The following TMEM63C variants were observed in gnomAD, a reference collection of about 807,000 sequenced individuals.
TMEM63C encodes transmembrane protein 63C, also known as osmosensitive cation channel TMEM63C.
A neutral mutation model predicts 99.2 loss-of-function variants in TMEM63C; 32 were observed. The observed-to-expected ratio is 0.32, with a 90% CI of 0.24 to 0.43. TMEM63C has a LOEUF of 0.43. Among genes scored for constraint, TMEM63C ranks in the 20% least tolerant of loss-of-function variants. TMEM63C has a pLI of 1.00. For synonymous variants in TMEM63C, 376 were observed against 397.9 expected (o/e 0.94, Z 0.66); for missense variants, 826 against 1,053.0 (o/e 0.78, Z 2.98).
intron 6 of TMEM63C, among the ~76,000 whole-genome samples, chr14:77,231,122 G>A (rs1285567537): frequency 6.6e-6 from 1 of 152,212 alleles, no homozygotes; most frequent in Non-Finnish European, 1.5e-5. Context: ...ACTTAGTGTT[G>A]TCCAACTTTC....
At chr14:77,183,775 C>G (rs1037464301) in intron 1 of TMEM63C, among the ~76,000 whole-genome samples, 5 of 152,186 alleles carry the variant, frequency 3.3e-5, no homozygotes, top group African/African-American at 1.2e-4. Context: ...CCACCAGGAG[C>G]TGCTGGGGTG....
intron 8 of TMEM63C, among the ~76,000 whole-genome samples, 179 bp downstream of exon 8, chr14:77,233,679 C>T (rs1016635583): frequency 1.3e-5 from 2 of 151,936 alleles, no homozygotes; most frequent in Non-Finnish European, 2.9e-5. Context: ...GGGCAGGACT[C>T]TTGGTGTGAG....
At chr14:77,234,027 A>G (rs1462591361) in intron 8 of TMEM63C, among the ~76,000 whole-genome samples, 1 of 152,124 alleles carries the variant, frequency 6.6e-6, no homozygotes, top group African/African-American at 2.4e-5. Context: ...GCTGGTGGAC[A>G]TGCTCTCTAA....
At chr14:77,210,019 G>T (rs1888468414) in intron 1 of TMEM63C, among the ~76,000 whole-genome samples, 2 of 152,118 alleles carry the variant, frequency 1.3e-5, no homozygotes, top group African/African-American at 2.4e-5. Flanking sequence ...ACTGTGACAT[G>T]GTTTAAGAGG....
At chr14:77,251,199 AG>A (rs1311381326) in intron 21 of TMEM63C, among the ~76,000 whole-genome samples, 1 of 152,224 alleles carries the variant, frequency 6.6e-6, no homozygotes, top group Non-Finnish European at 1.5e-5. Flanking sequence ...TTGGATATTG[AG>A]GTTTGCCACT....
At chr14:77,202,014 C>A (rs1294033510) in intron 1 of TMEM63C, among the ~76,000 whole-genome samples, 1 of 152,228 alleles carries the variant, frequency 6.6e-6, no homozygotes, top group African/African-American at 2.4e-5. Context: ...TCCATCCCCA[C>A]TGCCATTGCC....
chr14:77,185,266 G>C (rs1887977088), intron 1 of TMEM63C, among the ~76,000 whole-genome samples: 1 of 152,164 alleles, frequency 6.6e-6, no homozygotes, highest in African/African-American at 2.4e-5. Context: ...GCCCAGCCCT[G>C]TGCCTGTAGA....
At position 77,231,678 on chromosome 14, in the gene TMEM63C, T is replaced by C. The variant is rs1888946595; in HGVS notation, c.441T>C (p.Cys147=). The C allele has an allele frequency of 6.4e-7, 1 of 1,551,626 alleles. No homozygotes were observed. The highest frequency in any genetic ancestry group is 1.4e-5 in the African/African-American group (1 of 73,046). Reference sequence around the variant, plus strand: ...TCATCATCTTTGTGCTCATCATCTGTATCCCCTCCCTGGGCATCATTTTGC... The same window carrying C: ...TCATCATCTTTGTGCTCATCATCTGCATCCCCTCCCTGGGCATCATTTTGC... ...YHLIIFVLII[C]IPSLGIILPI... is the part of the protein sequence containing the mutation. The change falls in exon 7 of 24, where the codon TGT becomes TGC. Residue 147 remains cysteine (C), a synonymous_variant. Coordinates refer to ENST00000298351, the MANE Select transcript of TMEM63C (RefSeq NM_020431.4).
At chr14:77,219,393 TG>T in intron 3 of TMEM63C, 104 bp from the exon 4 acceptor site, 1 of 1,156,892 alleles carries the variant, frequency 8.6e-7, no homozygotes, top group Non-Finnish European at 1.3e-6. Flanking sequence ...AGGAGCTCCC[TG>T]GGGACCTCAG....
At chr14:77,239,805 C>G in intron 12 of TMEM63C, 79 bp downstream of exon 12, 2 of 1,542,012 alleles carry the variant, frequency 1.3e-6, no homozygotes, top group Non-Finnish European at 1.8e-6. Flanking sequence ...TTTGCCCGCA[C>G]TGTTGGGCCC....
chr14:77,210,435 G>A (rs553235383), intron 1 of TMEM63C, among the ~76,000 whole-genome samples: 101 of 152,242 alleles, frequency 6.6e-4, no homozygotes, highest in Non-Finnish European at 1.2e-3. Flanking sequence ...GTTGTGAAGA[G>A]TTGAGGAGTT....
Position 77,233,360 on chromosome 14 carries a change from A to G in TMEM63C, c.494-92A>G. On this transcript the variant is annotated intron_variant, in intron 7 of 23. Coordinates refer to ENST00000298351, the MANE Select transcript of TMEM63C (RefSeq NM_020431.4). ...GAGGAGGTCAAAGGCAAGCATCTCC[A>G]GACCCCACGCATTTGTCCAGGAACC... 3 of 1,339,318 alleles carry G rather than the reference A, an allele frequency of 2.2e-6. 1 individual carries two copies. In the South Asian group the frequency reaches 3.7e-5, roughly 17 times the overall value. The allele number at this position is 1,339,318 out of a possible 1,614,324, so 83.0% of individuals were successfully genotyped here. A position where few individuals can be genotyped will look rare whatever the true frequency, so the allele number is the denominator to read the frequency against.
chr14:77,237,404 G>A (rs1425212607), intron 9 of TMEM63C, among the ~76,000 whole-genome samples: 5 of 152,122 alleles, frequency 3.3e-5, no homozygotes, highest in South Asian at 2.1e-4. Context: ...AATGAGTAGC[G>A]CTTGTTTATG....
At chr14:77,187,399 G>A (rs1424016376) in intron 1 of TMEM63C, among the ~76,000 whole-genome samples, 3 of 152,242 alleles carry the variant, frequency 2.0e-5, no homozygotes, top group South Asian at 2.1e-4. Context: ...CTCGAGTCAC[G>A]GGAGCAGGGA....
Position 77,248,373 on chromosome 14 carries a change from C to T in TMEM63C, c.1628C>T (p.Ala543Val), listed in dbSNP as rs570801146. The T allele has an allele frequency of 1.9e-6, 3 of 1,611,600 alleles. No individual in the cohort carries two copies. Among genetic ancestry groups the T allele is most frequent in the South Asian group, 2.2e-5 (2 of 90,524 alleles). Residue 543 changes from alanine (A) to valine (V), a missense_variant, in exon 19 of 24, where the codon GCC becomes GTC. Physicochemically the swap from Ala to Val is moderately conservative, Grantham distance 64. Transcript: ENST00000298351. ...FQCVFLPDNGAFFVNYVITAA... is the reference protein window; with the variant it reads ...FQCVFLPDNGVFFVNYVITAA... ...TGTGTGTTCCTGCCAGACAACGGCG[C>T]CTTCTTTGTCAACTACGTGATCACG...
chr14:77,231,542 C>T, intron 6 of TMEM63C, 46 bp from the exon 7 acceptor site: 1 of 1,547,954 alleles, frequency 6.5e-7, no homozygotes, highest in South Asian at 1.2e-5. Context: ...CAAGTGGTGG[C>T]CACGCTGGCT....
At chr14:77,194,325 GATAT>G (rs34809041) in intron 1 of TMEM63C, among the ~76,000 whole-genome samples, 1,874 of 126,474 alleles carry the variant, frequency 0.015, 37 homozygotes, top group Admixed American at 0.068. Context: ...TGCAGGCATA[GATAT>G]ATATATATGT....
intron 1 of TMEM63C, among the ~76,000 whole-genome samples, chr14:77,200,321 C>G (rs924044225): frequency 3.3e-5 from 5 of 152,200 alleles, no homozygotes; most frequent in African/African-American, 4.8e-5. Context: ...GTGGATCCAC[C>G]ACGAGTCATG....
chr14:77,188,523 G>A (rs963630138), intron 1 of TMEM63C, among the ~76,000 whole-genome samples: 2 of 152,158 alleles, frequency 1.3e-5, no homozygotes, highest in South Asian at 4.1e-4. Flanking sequence ...TCACACATGT[G>A]CATAAGGAAA....
Sources: gnomAD v4.1 joint callset for allele counts (sites outside exome capture counted in the v4.1 genomes callset) on GRCh38, gnomAD v4.1.1 for gene constraint, MANE v1.5 for transcripts, NCBI Gene and HGNC (gene_info 2026-07-23, HGNC 2026-07-21) for gene names.